GAS6: variants seen among roughly 807,000 people sequenced by gnomAD.
The protein encoded by GAS6 is growth arrest-specific protein 6.
GAS6 carries 41 observed loss-of-function variants against 75.8 expected under a neutral mutation model. That is an observed-to-expected ratio of 0.54 (90% CI 0.42 to 0.70). The LOEUF is 0.70. Among genes scored for constraint, GAS6 ranks in the 30% least tolerant of loss-of-function variants. The pLI, the probability that GAS6 is intolerant of heterozygous loss-of-function variation, is 0.00. For missense variants in GAS6, 854 were observed against 940.2 expected (o/e 0.91, Z 1.20); for synonymous variants, 432 against 412.6 (o/e 1.05, Z -0.57).
chr13:113,821,339 C>G (rs1280304240), intron 14 of GAS6: 1 of 374,474 alleles, frequency 2.7e-6, no homozygotes, highest in Non-Finnish European at 5.0e-6. Flanking sequence ...TCGCTCTCAT[C>G]CTCTTCAAAG....
intron 6 of GAS6, 126 bp from the exon 7 acceptor site, chr13:113,835,761 C>T (rs2051695552): frequency 4.7e-6 from 7 of 1,479,010 alleles, no homozygotes; most frequent in South Asian, 2.8e-5. Context: ...GGGGCCAGCG[C>T]GCCCTGGCCC....
rs761723369 is a variant in GAS6, at chr13:113,823,476, C to G, written c.1552G>C (p.Asp518His). Reference sequence around the variant, plus strand: ...CAGAGCGCAAACAGCACGCCTGTGTCTGCGGCTGGGCGGATGTGAGCCACG... The same window carrying G: ...CAGAGCGCAAACAGCACGCCTGTGTGTGCGGCTGGGCGGATGTGAGCCACG... ...EVVAHIRPAA[D>H]TGVLFALWAP... is the part of the protein sequence containing the mutation. Residue 518 changes from aspartate (D) to histidine (H), a missense_variant, in exon 13 of 15, where the codon GAC (aspartate) becomes CAC (histidine). By Grantham distance (81) the Asp-to-His change is moderately conservative. Coordinates refer to ENST00000327773, the MANE Select transcript of GAS6 (RefSeq NM_000820.4). The G allele has an allele frequency of 2.5e-6, 4 of 1,612,796 alleles. No homozygotes were observed. The South Asian group carries it at 3.3e-5, about 13-fold the overall frequency.
intron 6 of GAS6, chr13:113,836,169 A>T: frequency 2.0e-6 from 1 of 490,344 alleles, no homozygotes; most frequent in Non-Finnish European, 2.4e-6. Context: ...TTTAGTCACC[A>T]GAGGAGAGCA....
At chr13:113,823,105 A>G in intron 13 of GAS6, 2 of 388,232 alleles carry the variant, frequency 5.2e-6, no homozygotes, top group Admixed American at 4.4e-5. Context: ...CATCTGCCCA[A>G]CCGAACAGGG....
chr13:113,831,145 G>C (rs1371488633), intron 10 of GAS6, among the ~76,000 whole-genome samples: 1 of 152,226 alleles, frequency 6.6e-6, no homozygotes, highest in African/African-American at 2.4e-5. Flanking sequence ...TCCACGGATG[G>C]GGATGTGGGG....
At chr13:113,853,374 A>G (rs2051891007) in intron 2 of GAS6, among the ~76,000 whole-genome samples, 1 of 152,246 alleles carries the variant, frequency 6.6e-6, no homozygotes, top group Non-Finnish European at 1.5e-5. Context: ...CTTGGGCCAC[A>G]GTCCCCGCAG....
chr13:113,861,701 C>A (rs2051972703), intron 2 of GAS6, among the ~76,000 whole-genome samples: 1 of 151,962 alleles, frequency 6.6e-6, no homozygotes, highest in Non-Finnish European at 1.5e-5. Flanking sequence ...CTGGACCCTG[C>A]CCCTGCCCCT....
chr13:113,838,581 C>G (rs1358351506), intron 5 of GAS6, among the ~76,000 whole-genome samples: 2 of 102,954 alleles, frequency 1.9e-5, no homozygotes, highest in Non-Finnish European at 1.9e-5. Flanking sequence ...GGAAGGGACC[C>G]CGGGGGTGCA....
intron 14 of GAS6, chr13:113,821,591 C>T (rs1395243439): frequency 3.4e-6 from 1 of 291,096 alleles, no homozygotes. Flanking sequence ...CTGTTCGCTG[C>T]TAACAGCTGC....
chr13:113,821,398 A>T lies in GAS6; in HGVS notation c.1883-380T>A, dbSNP rs1031253540. ...AGTCTGTGTCTGGCAGCCAAGAGAG[A>T]AATCCTGCCGTTTGCCGCAAGTGAA... On this transcript the variant is annotated intron_variant, in intron 14 of 14. Transcript: ENST00000327773. 89 of 248,950 alleles carry T rather than the reference A, an allele frequency of 3.6e-4. 3 individuals are homozygous for T. Among genetic ancestry groups the T allele is most frequent in the Non-Finnish European group, 3.8e-4 (48 of 127,694 alleles). The allele number at this position is 248,950 out of a possible 1,614,324, so 15.4% of individuals were successfully genotyped here.
chr13:113,857,084 G>C (rs1009334956), intron 2 of GAS6, among the ~76,000 whole-genome samples: 1 of 152,168 alleles, frequency 6.6e-6, no homozygotes, highest in African/African-American at 2.4e-5. Context: ...CACAAAACAG[G>C]GTCTAGCAGG....
At chr13:113,854,410 C>G (rs1423498736) in intron 2 of GAS6, among the ~76,000 whole-genome samples, 1 of 152,238 alleles carries the variant, frequency 6.6e-6, no homozygotes, top group Non-Finnish European at 1.5e-5. Flanking sequence ...CGCCGAGACT[C>G]GCCCCGCATG....
rs540845228 is a variant in GAS6 at position 113,849,698 on chromosome 13, TTTA to T, written c.256-1651_256-1649del. On this transcript the variant is annotated intron_variant, in intron 2 of 14. Transcript: ENST00000327773. The stretch of plus-strand genomic sequence containing the variant: ...TGTGTAATCTGTATTAATACCAAGT[TTTA>T]TTGTTGCAAAAAGGCATTATTCATG... Among the ~76,000 whole-genome samples the T allele has an allele frequency of 3.5e-4, 53 of 152,338 alleles. 2 individuals carry two copies. In the South Asian group the frequency reaches 0.011, roughly 32 times the overall value.
intron 2 of GAS6, among the ~76,000 whole-genome samples, chr13:113,849,863 A>G (rs1455094527): frequency 6.6e-6 from 1 of 152,254 alleles, no homozygotes; most frequent in Admixed American, 6.5e-5. Flanking sequence ...GGCAGAAAGC[A>G]TATGCTAATT....
In GAS6 at chr13:113,863,213, G is replaced by A. The variant is rs955193911; in HGVS notation, c.255+362C>T. 3.3e-5 allele frequency among the ~76,000 whole-genome samples: 5 copies of A among 152,218 alleles called. No individual in the cohort carries two copies. Among genetic ancestry groups the A allele is most frequent in the African/African-American group, 9.6e-5 (4 of 41,462 alleles). On this transcript the variant is annotated intron_variant, in intron 2 of 14. Transcript: ENST00000327773. The surrounding 1 kb of genome is among the most constrained non-coding windows in gnomAD (Gnocchi z 9.4). The stretch of plus-strand genomic sequence containing the variant: ...CTCTCCACCCCTCTCAGGAGGACGA[G>A]GCGCGGCCCGGGGGTTCCTCACCTC...
intron 4 of GAS6, 158 bp from the exon 5 acceptor site, chr13:113,840,008 G>A (rs1594201904): frequency 1.9e-6 from 2 of 1,040,004 alleles, no homozygotes; most frequent in Admixed American, 2.3e-5. Context: ...AGCCCTCTGT[G>A]CTGGCCTAGG....
Position 113,837,705 on chromosome 13 carries a change from C to T in GAS6, c.589+364G>A, listed in dbSNP as rs563075748. Among the ~76,000 whole-genome samples, 3 of 152,162 alleles carry T rather than the reference C, an allele frequency of 2.0e-5. No homozygotes were observed. The highest frequency in any genetic ancestry group is 3.4e-3 in the Middle Eastern group (1 of 294). On this transcript the variant is annotated intron_variant, in intron 6 of 14. Coordinates refer to ENST00000327773, the MANE Select transcript of GAS6 (RefSeq NM_000820.4). The surrounding 1 kb of genome is among the most constrained non-coding windows in gnomAD (Gnocchi z 5.1). The stretch of plus-strand genomic sequence containing the variant: ...TTCTGGGGATGCTGGGGAGAGTGGA[C>T]GGCGGGGGGACCCTAGCCTGGAGCC...
At chr13:113,824,416 A>C (rs12872381) in intron 12 of GAS6, among the ~76,000 whole-genome samples, 14 of 77,990 alleles carry the variant, frequency 1.8e-4, no homozygotes, top group Middle Eastern at 5.7e-3. Context: ...TCAGGAGCAC[A>C]TGCGGTCTGG....
At chr13:113,835,744 ACT>A (rs67117177) in intron 6 of GAS6, 109 bp from the exon 7 acceptor site, 223,300 of 1,503,902 alleles carry the variant, frequency 0.15, 18,166 homozygotes, top group Middle Eastern at 0.18. Context: ...TCGCATCCAG[ACT>A]CTGTGGGGCC....
Sources: gnomAD v4.1 joint callset for allele counts (sites outside exome capture counted in the v4.1 genomes callset) on GRCh38, gnomAD v4.1.1 for gene constraint, Gnocchi (gnomAD v3.1) non-coding constraint, MANE v1.5 for transcripts, NCBI Gene and HGNC (gene_info 2026-07-23, HGNC 2026-07-21) for gene names.